SPRY3: variants seen among roughly 807,000 people sequenced by gnomAD.
The protein encoded by SPRY3 is sprouty RTK signaling antagonist 3, also known as protein sprouty homolog 3.
SPRY3 carries 15 observed loss-of-function variants against 20.2 expected under a neutral mutation model. The observed-to-expected ratio is 0.74, with a 90% CI of 0.50 to 1.14. The LOEUF is 1.14. Among genes scored for constraint, SPRY3 ranks in the 50% most tolerant of loss-of-function variants. The pLI is 0.00. For missense variants in SPRY3, 364 were observed against 363.9 expected (o/e 1.00, Z 0.00); for synonymous variants, 143 against 136.5 (o/e 1.05, Z -0.33).
chrX:155,629,693 G>A (rs927672906), intron 1 of SPRY3, among the ~76,000 whole-genome samples: 3 of 111,523 alleles, frequency 2.7e-5, no homozygotes, highest in Non-Finnish European at 5.7e-5. Flanking sequence ...TTTAATGATC[G>A]CCATTCTAAC....
chrX:155,689,137 T>A (rs1463752261), intron 2 of SPRY3, among the ~76,000 whole-genome samples: 1 of 88,089 alleles, frequency 1.1e-5, no homozygotes, highest in Non-Finnish European at 2.1e-5. Flanking sequence ...CAATTTTTGC[T>A]TTTGTTGCAT....
At chrX:155,708,439 T>C (rs1158756792) in intron 2 of SPRY3, among the ~76,000 whole-genome samples, 2 of 151,460 alleles carry the variant, frequency 1.3e-5, no homozygotes, top group Non-Finnish European at 3.0e-5. Flanking sequence ...TTCTAAATTA[T>C]TTTCTTTGCC....
At chrX:155,758,297 A>T (rs2091291137) in intron 2 of SPRY3, among the ~76,000 whole-genome samples, 1 of 152,184 alleles carries the variant, frequency 6.6e-6, no homozygotes, top group Non-Finnish European at 1.5e-5. Context: ...AGATAAGGAA[A>T]ATAGGGCCTA....
chrX:155,757,175 C>G (rs2091286622), intron 2 of SPRY3, among the ~76,000 whole-genome samples: 1 of 152,184 alleles, frequency 6.6e-6, no homozygotes, highest in African/African-American at 2.4e-5. Flanking sequence ...TGATGTAACC[C>G]TCTGATACCT....
intron 2 of SPRY3, among the ~76,000 whole-genome samples, chrX:155,758,616 C>T (rs1254358324): frequency 1.3e-5 from 2 of 152,136 alleles, no homozygotes; most frequent in Non-Finnish European, 2.9e-5. Flanking sequence ...ATAGAGCTGG[C>T]CTCCTATAGG....
chrX:155,637,975 TG>T (rs782483797), intron 1 of SPRY3, among the ~76,000 whole-genome samples: 5 of 53,561 alleles, frequency 9.3e-5, no homozygotes, highest in Non-Finnish European at 1.9e-4. Context: ...TTCTCAGGGT[TG>T]TTTTTTTTTT....
intron 2 of SPRY3, among the ~76,000 whole-genome samples, chrX:155,685,762 C>T (rs778674478): frequency 1.1e-5 from 1 of 94,630 alleles, no homozygotes; most frequent in African/African-American, 4.5e-5. Context: ...TTTATAGCTG[C>T]ATAGTATTCC....
chrX:155,719,391 A>T (rs988165821), intron 2 of SPRY3, among the ~76,000 whole-genome samples: 3 of 152,090 alleles, frequency 2.0e-5, no homozygotes, highest in African/African-American at 4.8e-5. Context: ...AGTCTAGGCC[A>T]CAAGGACAGC....
intron 2 of SPRY3, among the ~76,000 whole-genome samples, chrX:155,675,040 T>C (rs2068055132): frequency 8.9e-6 from 1 of 112,016 alleles, no homozygotes; most frequent in Non-Finnish European, 1.9e-5. Context: ...TGTGAACCTA[T>C]ATAATTCTGT....
At chrX:155,639,602 AT>A (rs1392679557) in intron 1 of SPRY3, among the ~76,000 whole-genome samples, 1 of 112,097 alleles carries the variant, frequency 8.9e-6, no homozygotes, top group Non-Finnish European at 1.9e-5. Flanking sequence ...ACCACATTTT[AT>A]TTATCCATTC....
intron 1 of SPRY3, among the ~76,000 whole-genome samples, chrX:155,652,899 T>C (rs2067981464): frequency 8.9e-6 from 1 of 112,229 alleles, no homozygotes; most frequent in South Asian, 3.7e-4. Context: ...CCATTATTGT[T>C]ATTATTAGCA....
intron 1 of SPRY3, among the ~76,000 whole-genome samples, chrX:155,625,938 A>G (rs920319761): frequency 6.2e-4 from 33 of 52,952 alleles, no homozygotes; most frequent in Admixed American, 1.2e-3. Flanking sequence ...GATAAACCAC[A>G]TTTTGTTTCT....
At chrX:155,737,754 C>T (rs897497408) in intron 2 of SPRY3, among the ~76,000 whole-genome samples, 7 of 151,934 alleles carry the variant, frequency 4.6e-5, no homozygotes, top group Non-Finnish European at 8.8e-5. Context: ...TCATGTGAAG[C>T]CTTTTGCTCA....
At chrX:155,638,557 C>A (rs1341793948) in intron 1 of SPRY3, among the ~76,000 whole-genome samples, 1 of 107,063 alleles carries the variant, frequency 9.3e-6, no homozygotes, top group African/African-American at 3.4e-5. Flanking sequence ...GCTTCACCAT[C>A]TTTCCTGCTA....
At chrX:155,773,309 TATATA>T (rs1569402334) in intron 3 of SPRY3, among the ~76,000 whole-genome samples, 1,759 of 134,136 alleles carry the variant, frequency 0.013, 48 homozygotes, top group Middle Eastern at 0.065. Flanking sequence ...TTTGATTGGA[TATATA>T]TATATATATA....
chrX:155,728,487 G>T (rs372175763), intron 2 of SPRY3, among the ~76,000 whole-genome samples: 1 of 152,134 alleles, frequency 6.6e-6, no homozygotes, highest in Non-Finnish European at 1.5e-5. Flanking sequence ...CTTCCCAGTC[G>T]CTTTGTTTAA....
chrX:155,756,211 A>G (rs891185426), intron 2 of SPRY3, among the ~76,000 whole-genome samples: 4 of 152,090 alleles, frequency 2.6e-5, no homozygotes, highest in African/African-American at 9.7e-5. Context: ...CAGCTACCTC[A>G]GAGTTTCTGA....
At chrX:155,735,394 A>T (rs2091161604) in intron 2 of SPRY3, among the ~76,000 whole-genome samples, 1 of 152,018 alleles carries the variant, frequency 6.6e-6, no homozygotes, top group Non-Finnish European at 1.5e-5. Flanking sequence ...TGCCTGCTGA[A>T]TCTGTTGCTT....
chrX:155,724,262 A>C (rs1458413997), intron 2 of SPRY3, among the ~76,000 whole-genome samples: 3 of 152,158 alleles, frequency 2.0e-5, no homozygotes, highest in South Asian at 2.1e-4. Context: ...TGGCTTGGCT[A>C]TGCGGGCTCC....
Sources: allele counts gnomAD v4.1 joint callset (sites outside exome capture counted in the v4.1 genomes callset), GRCh38; gene constraint gnomAD v4.1.1; transcripts MANE v1.5; gene names NCBI Gene and HGNC (gene_info 2026-07-23, HGNC 2026-07-21).